Variants in CD83 observed in about 807,000 individuals in gnomAD.
The protein encoded by CD83 is CD83 antigen.
A neutral mutation model predicts 24.6 loss-of-function variants in CD83; 22 were observed. That is an observed-to-expected ratio of 0.90 (90% CI 0.64 to 1.28). CD83 has a LOEUF of 1.28. CD83 is among the 50% of genes most tolerant of loss of function. The pLI is 0.00. For missense variants in CD83, 253 were observed against 252.8 expected, an observed-to-expected ratio of 1.00 and a Z score of -0.01; for synonymous variants, 101 against 103.5, an observed-to-expected ratio of 0.98 and a Z score of 0.14.
chr6:14,133,629 T>C lies in CD83; in HGVS notation c.383-20T>C. Reference sequence around the variant, plus strand: ...AAAATCCTGTTAAAATGGCTTCACATGTCGCTTACTTTTTTAAAGGATGCC... The same window carrying C: ...AAAATCCTGTTAAAATGGCTTCACACGTCGCTTACTTTTTTAAAGGATGCC... On this transcript the variant is annotated intron_variant, in intron 3 of 4. Coordinates refer to ENST00000379153, the MANE Select transcript of CD83 (RefSeq NM_004233.4). The C allele has an allele frequency of 1.3e-6, 2 of 1,508,686 alleles. No homozygotes were observed. Among genetic ancestry groups the C allele is most frequent in the Non-Finnish European group, 1.8e-6 (2 of 1,098,888 alleles). 93.5% of individuals were successfully genotyped at this position (1,508,686 alleles called of 1,614,324 possible).
At chr6:14,117,621 C>CGGGGACGGGGGCGGGGACGGGGGCGGG, upstream of CD83, 1 of 239,524 alleles carries the variant, frequency 4.2e-6, no homozygotes, top group Non-Finnish European at 7.0e-6. The surrounding 1 kb of genome is among the most constrained non-coding windows in gnomAD (Gnocchi z 4.6). Flanking sequence ...GGGACGGGGG[C>CGGGGACGGGGGCGGGGACGGGGGCGGG]GAAGGGGGCG....
chr6:14,132,993 C>G lies in CD83; in HGVS notation c.383-656C>G, dbSNP rs75846224. ...TCCCTGGGCTAAAGGCCTCGCTGCTCTTACCCTCCCTTCGTGCTGCACCAA... is the reference window on the plus strand; with the variant it reads ...TCCCTGGGCTAAAGGCCTCGCTGCTGTTACCCTCCCTTCGTGCTGCACCAA... On this transcript the variant is annotated intron_variant, in intron 3 of 4. Coordinates refer to ENST00000379153, the MANE Select transcript of CD83 (RefSeq NM_004233.4). Among the ~76,000 whole-genome samples the G allele has an allele frequency of 9.7e-3, 1,482 of 152,366 alleles. 25 individuals carry two copies. Among genetic ancestry groups the G allele is most frequent in the African/African-American group, 0.034 (1,414 of 41,578 alleles).
At chr6:14,133,496 C>G (rs111226043) in intron 3 of CD83, among the ~76,000 whole-genome samples, 153 bp from the exon 4 acceptor site, 1 of 152,240 alleles carries the variant, frequency 6.6e-6, no homozygotes, top group Non-Finnish European at 1.5e-5. Context: ...CTGCTGCTGT[C>G]ACCTTCACTG....
At chr6:14,119,471 T>C (rs1759621967) in intron 2 of CD83, among the ~76,000 whole-genome samples, 1 of 152,218 alleles carries the variant, frequency 6.6e-6, no homozygotes, top group African/African-American at 2.4e-5. Context: ...TTTCCATCCA[T>C]CGGAAGAATG....
At chr6:14,119,039 G>A (rs756035438) in intron 2 of CD83, among the ~76,000 whole-genome samples, 3 of 152,158 alleles carry the variant, frequency 2.0e-5, no homozygotes, top group African/African-American at 4.8e-5. Flanking sequence ...GAAACTGTAC[G>A]TCTTTGGCCA....
intron 2 of CD83, among the ~76,000 whole-genome samples, chr6:14,122,045 C>G (rs1171912472): frequency 1.3e-5 from 2 of 151,966 alleles, no homozygotes; most frequent in Admixed American, 1.3e-4. Flanking sequence ...GGTGATGCTG[C>G]GGGGGTGAGG....
intron 3 of CD83, among the ~76,000 whole-genome samples, chr6:14,133,131 G>A (rs893106407): frequency 9.2e-5 from 14 of 152,248 alleles, no homozygotes; most frequent in African/African-American, 3.1e-4. Context: ...CAATATCAGG[G>A]CAGCTCCCCT....
intron 2 of CD83, among the ~76,000 whole-genome samples, chr6:14,118,654 T>G (rs1213401538): frequency 1.3e-5 from 2 of 152,176 alleles, no homozygotes; most frequent in African/African-American, 4.8e-5. Context: ...TCTGGCAGCC[T>G]TGAGAGCATC....
Position 14,129,092 on chromosome 6 carries a change from G to A in CD83, c.154-2428G>A, listed in dbSNP as rs189340555. ...TGAGCTGAGGGAGGGGTTGCTGGAT[G>A]GGAGAGGAGCTTCCCAGGAGAAAAC... On this transcript the variant is annotated intron_variant, in intron 2 of 4. Transcript: ENST00000379153. This position sits in a 1 kb window ranked among gnomAD's most constrained non-coding sequence, Gnocchi z 4.3. Among the ~76,000 whole-genome samples, 139 of 152,336 alleles carry A rather than the reference G, an allele frequency of 9.1e-4. No homozygotes were observed. Among genetic ancestry groups the A allele is most frequent in the African/African-American group, 3.2e-3 (132 of 41,572 alleles).
At position 14,129,152 on chromosome 6, in the gene CD83, T is replaced by A. The variant is rs1239423621; in HGVS notation, c.154-2368T>A. ...ATAATCTCAAAACGGTTGTTGCAGCTACACTCGCATTTGGAGGTTAATTTA... is the reference window on the plus strand; with the variant it reads ...ATAATCTCAAAACGGTTGTTGCAGCAACACTCGCATTTGGAGGTTAATTTA... On this transcript the variant is annotated intron_variant, in intron 2 of 4. Coordinates refer to ENST00000379153, the MANE Select transcript of CD83 (RefSeq NM_004233.4). The surrounding 1 kb of genome is among the most constrained non-coding windows in gnomAD (Gnocchi z 4.3). Among the ~76,000 whole-genome samples the A allele has an allele frequency of 1.3e-5, 2 of 152,240 alleles. No homozygotes were observed. The highest frequency in any genetic ancestry group is 4.8e-5 in the African/African-American group (2 of 41,468).
At chr6:14,120,024 C>A (rs1175182976) in intron 2 of CD83, among the ~76,000 whole-genome samples, 1 of 152,180 alleles carries the variant, frequency 6.6e-6, no homozygotes, top group Non-Finnish European at 1.5e-5. Context: ...CGAGATTTAC[C>A]CCCAAGGTCT....
At chr6:14,132,231 G>T (rs1192450750) in intron 3 of CD83, among the ~76,000 whole-genome samples, 1 of 152,160 alleles carries the variant, frequency 6.6e-6, no homozygotes, top group Non-Finnish European at 1.5e-5. Flanking sequence ...GTTATGTATG[G>T]ATTGATTTAC....
intron 2 of CD83, among the ~76,000 whole-genome samples, chr6:14,130,495 C>T (rs1757863756): frequency 6.6e-6 from 1 of 152,102 alleles, no homozygotes; most frequent in East Asian, 1.9e-4. Flanking sequence ...GAGGCCGAGG[C>T]GGGCGGATCG....
intron 2 of CD83, among the ~76,000 whole-genome samples, chr6:14,130,833 T>C (rs74466267): frequency 0.02 from 3,062 of 152,332 alleles, 102 homozygotes; most frequent in African/African-American, 0.07. Context: ...AGTCAGCTGT[T>C]ACTGCCCTTC....
intron 2 of CD83, among the ~76,000 whole-genome samples, chr6:14,128,306 G>A (rs1287959431): frequency 5.3e-5 from 8 of 152,198 alleles, no homozygotes; most frequent in South Asian, 4.1e-4. Context: ...TTTTGCATAC[G>A]GTCCCTTGAT....
At chr6:14,120,491 G>C (rs1429007769) in intron 2 of CD83, among the ~76,000 whole-genome samples, 1 of 152,104 alleles carries the variant, frequency 6.6e-6, no homozygotes, top group Non-Finnish European at 1.5e-5. Context: ...TTTCATTTTG[G>C]TAACCAGAAC....
intron 2 of CD83, among the ~76,000 whole-genome samples, chr6:14,122,069 A>C (rs1759683674): frequency 6.6e-6 from 1 of 152,168 alleles, no homozygotes; most frequent in African/African-American, 2.4e-5. Context: ...GTGAAGCATC[A>C]CAAGACAAGT....
upstream of CD83, chr6:14,117,741 G>C: frequency 8.7e-7 from 1 of 1,154,086 alleles, no homozygotes; most frequent in South Asian, 1.9e-5. The surrounding 1 kb of genome is among the most constrained non-coding windows in gnomAD (Gnocchi z 4.6). Context: ...CGAACGCGCG[G>C]GCATAAAAGG....
upstream of CD83, chr6:14,117,695 CG>C: frequency 1.4e-6 from 1 of 712,430 alleles, no homozygotes. The surrounding 1 kb of genome is among the most constrained non-coding windows in gnomAD (Gnocchi z 4.6). Context: ...CGCTGCCCGC[CG>C]GGGAATCCCC....
Sources: allele counts gnomAD v4.1 joint callset (sites outside exome capture counted in the v4.1 genomes callset), GRCh38; gene constraint gnomAD v4.1.1; non-coding constraint Gnocchi (gnomAD v3.1); transcripts MANE v1.5; gene names NCBI Gene and HGNC (gene_info 2026-07-23, HGNC 2026-07-21).